PLEKHA5: variants seen among roughly 807,000 people sequenced by gnomAD.
The protein encoded by PLEKHA5 is pleckstrin homology domain-containing family A member 5.
A neutral mutation model predicts 181.9 loss-of-function variants in PLEKHA5; 55 were observed. That is an observed-to-expected ratio of 0.30 (90% CI 0.24 to 0.38). PLEKHA5 has a LOEUF of 0.38. Among genes scored for constraint, PLEKHA5 ranks in the 10% least tolerant of loss-of-function variants. The pLI is 1.00. For synonymous variants in PLEKHA5, 535 were observed against 529.4 expected (o/e 1.01, Z -0.15); for missense variants, 1,432 against 1,549.5 (o/e 0.92, Z 1.27).
intron 3 of PLEKHA5, among the ~76,000 whole-genome samples, chr12:19,175,423 A>G (rs1192925194): frequency 6.6e-6 from 1 of 152,220 alleles, no homozygotes; most frequent in Admixed American, 6.5e-5. Flanking sequence ...ACAGTAGAAT[A>G]TATGTAGCAA....
chr12:19,319,143 C>T (rs1235860070), intron 16 of PLEKHA5, among the ~76,000 whole-genome samples: 3 of 152,080 alleles, frequency 2.0e-5, no homozygotes, highest in Non-Finnish European at 4.4e-5. Flanking sequence ...ACAGTTGACA[C>T]TTCTCAGGAC....
chr12:19,219,113 G>A (rs562278723), intron 3 of PLEKHA5, among the ~76,000 whole-genome samples: 1 of 152,046 alleles, frequency 6.6e-6, no homozygotes, highest in East Asian at 1.9e-4. Flanking sequence ...AAAGAGGATT[G>A]AAAATACAGT....
At chr12:19,145,297 T>C (rs915464649) in intron 3 of PLEKHA5, among the ~76,000 whole-genome samples, 6 of 152,146 alleles carry the variant, frequency 3.9e-5, no homozygotes, top group Non-Finnish European at 7.4e-5. Flanking sequence ...AGTATTTGAA[T>C]AGGAGTAGCA....
At chr12:19,210,980 TG>T (rs2056777518) in intron 3 of PLEKHA5, among the ~76,000 whole-genome samples, 1 of 152,192 alleles carries the variant, frequency 6.6e-6, no homozygotes, top group South Asian at 2.1e-4. Flanking sequence ...ATAGAGTTAC[TG>T]CTGTAAATCT....
intron 3 of PLEKHA5, among the ~76,000 whole-genome samples, chr12:19,245,342 C>T (rs190804261): frequency 1.3e-5 from 2 of 152,228 alleles, no homozygotes; most frequent in African/African-American, 2.4e-5. Context: ...TCCTCTAGGT[C>T]GGCCACAGAC....
intron 11 of PLEKHA5, among the ~76,000 whole-genome samples, chr12:19,280,774 G>A (rs1247700347): frequency 2.7e-5 from 4 of 149,514 alleles, no homozygotes; most frequent in African/African-American, 5.0e-5. Context: ...TCACCAGCAC[G>A]ATTTCAGCTC....
chr12:19,144,066 A>G (rs2038207369), intron 3 of PLEKHA5, among the ~76,000 whole-genome samples: 1 of 152,192 alleles, frequency 6.6e-6, no homozygotes, highest in African/African-American at 2.4e-5. Flanking sequence ...GAGAACATAT[A>G]AGAATGTATG....
chr12:19,246,828 T>C (rs1264309408), intron 3 of PLEKHA5, among the ~76,000 whole-genome samples: 2 of 152,178 alleles, frequency 1.3e-5, no homozygotes, highest in Non-Finnish European at 2.9e-5. Flanking sequence ...TAGTACTTAA[T>C]TCCATTGAAT....
intron 3 of PLEKHA5, among the ~76,000 whole-genome samples, chr12:19,191,051 C>T (rs1393226530): frequency 2.6e-5 from 4 of 152,056 alleles, no homozygotes; most frequent in African/African-American, 9.7e-5. Flanking sequence ...GACCATGACT[C>T]GCAATAAGAA....
At chr12:19,149,084 CTGAAAT>C (rs1240936820) in intron 3 of PLEKHA5, among the ~76,000 whole-genome samples, 1 of 152,092 alleles carries the variant, frequency 6.6e-6, no homozygotes, top group African/African-American at 2.4e-5. Context: ...GAAGATGACC[CTGAAAT>C]TGAAATATTT....
chr12:19,312,336 C>T (rs1487951958), intron 15 of PLEKHA5, among the ~76,000 whole-genome samples: 1 of 152,198 alleles, frequency 6.6e-6, no homozygotes, highest in Non-Finnish European at 1.5e-5. Context: ...TGGAGCCAGG[C>T]ATTGACTTTC....
At chr12:19,203,700 A>G (rs954823999) in intron 3 of PLEKHA5, among the ~76,000 whole-genome samples, 2 of 152,132 alleles carry the variant, frequency 1.3e-5, no homozygotes, top group East Asian at 1.9e-4. Context: ...AGTTATATGT[A>G]TATGTACTCT....
At chr12:19,201,922 A>T (rs571258005) in intron 3 of PLEKHA5, 4 of 275,924 alleles carry the variant, frequency 1.4e-5, no homozygotes, top group Non-Finnish European at 2.2e-5. Flanking sequence ...AAAGTCACTG[A>T]ACTGTACACT....
At chr12:19,165,907 A>C (rs2044256047) in intron 3 of PLEKHA5, among the ~76,000 whole-genome samples, 3 of 152,228 alleles carry the variant, frequency 2.0e-5, no homozygotes, top group African/African-American at 7.2e-5. Context: ...AGAAACTTCA[A>C]CTTTAAGCAA....
chr12:19,208,032 G>A lies in PLEKHA5; in HGVS notation c.228-45908G>A, dbSNP rs897215257. Among the ~76,000 whole-genome samples, 8 of 151,984 alleles carry A rather than the reference G, an allele frequency of 5.3e-5. No individual in the cohort carries two copies. In the East Asian group the frequency reaches 7.7e-4, roughly 15 times the overall value. ...GACTTTGATAATTCTCACAAGTTTC[G>A]ACTCATTCTCTACTCTAGAGAACCT... On this transcript the variant is annotated intron_variant, in intron 3 of 31. Coordinates refer to ENST00000429027, the MANE Select transcript of PLEKHA5 (RefSeq NM_001256470.2).
chr12:19,320,624 T>TGTAA lies in PLEKHA5; in HGVS notation c.2217+4_2217+7dup. On this transcript the variant is annotated frameshift_variant and splice_region_variant. Coordinates refer to ENST00000429027, the MANE Select transcript of PLEKHA5 (RefSeq NM_001256470.2). LOFTEE classifies it high-confidence loss of function. The stretch of plus-strand genomic sequence containing the variant: ...ACAGACCTGAAGAAGTAGATATTGA[T>TGTAA]GTAAGTATTAGTATGATATATGTGG... The TGTAA allele has an allele frequency of 7.3e-7, 1 of 1,366,248 alleles. No homozygotes were observed. Among genetic ancestry groups the TGTAA allele is most frequent in the Non-Finnish European group, 1.0e-6 (1 of 964,222 alleles). The allele number at this position is 1,366,248 out of a possible 1,614,324, so 84.6% of individuals were successfully genotyped here. A position where few individuals can be genotyped will look rare whatever the true frequency, so the allele number is the denominator to read the frequency against.
At chr12:19,147,816 A>G (rs2039327118) in intron 3 of PLEKHA5, among the ~76,000 whole-genome samples, 2 of 152,080 alleles carry the variant, frequency 1.3e-5, no homozygotes, top group South Asian at 4.1e-4. Context: ...AGCTCACCTC[A>G]GCTTTGAATT....
chr12:19,255,686 C>T (rs2066684628), intron 5 of PLEKHA5, among the ~76,000 whole-genome samples: 2 of 151,194 alleles, frequency 1.3e-5, no homozygotes, highest in Admixed American at 1.3e-4. Flanking sequence ...ATAAATCCAA[C>T]AGGCTAACTG....
intron 15 of PLEKHA5, chr12:19,306,565 C>A: frequency 1.3e-6 from 1 of 771,068 alleles, no homozygotes; most frequent in South Asian, 1.3e-5. Context: ...CTACCATCGT[C>A]CCCAGCACTG....
Sources: gnomAD v4.1 joint callset for allele counts (sites outside exome capture counted in the v4.1 genomes callset) on GRCh38, gnomAD v4.1.1 for gene constraint, MANE v1.5 for transcripts, NCBI Gene and HGNC (gene_info 2026-07-23, HGNC 2026-07-21) for gene names.